The following USP24 variants were observed in gnomAD, a reference collection of about 807,000 sequenced individuals.
USP24 encodes ubiquitin specific peptidase 24.
A neutral mutation model predicts 361.6 loss-of-function variants in USP24; 97 were observed. The ratio of observed to expected loss-of-function variants is 0.27; its 90% CI spans 0.23 to 0.32. The LOEUF (loss-of-function observed/expected upper bound fraction) is 0.32. Ranked by LOEUF, USP24 falls within the 10% of genes least tolerant of loss-of-function variation. The pLI is 1.00. For synonymous variants in USP24, 1,098 were observed against 1,124.6 expected (o/e 0.98, Z 0.47); for missense variants, 2,353 against 3,165.6 (o/e 0.74, Z 6.16).
chr1:55,182,724 A>AT (rs955195105), intron 1 of USP24, among the ~76,000 whole-genome samples: 4 of 151,626 alleles, frequency 2.6e-5, no homozygotes, highest in Non-Finnish European at 4.4e-5. Flanking sequence ...ACAGTCTTTT[A>AT]TTTTTTTTGA....
chr1:55,153,958 A>G, intron 15 of USP24, 41 bp from the exon 16 acceptor site: 2 of 1,545,314 alleles, frequency 1.3e-6, no homozygotes, highest in South Asian at 1.2e-5. Flanking sequence ...GACTTGGTAA[A>G]AGCAATACCT....
At chr1:55,156,182 T>A (rs1286658750) in intron 12 of USP24, among the ~76,000 whole-genome samples, 1 of 152,076 alleles carries the variant, frequency 6.6e-6, no homozygotes, top group Non-Finnish European at 1.5e-5. Flanking sequence ...TTGGATATAA[T>A]GAATTTAAGA....
In USP24 at chr1:55,068,955, G is replaced by C. The variant is rs1570320563; in HGVS notation, c.*90C>G. The C allele has an allele frequency of 7.2e-7, 1 of 1,384,410 alleles. No individual in the cohort carries two copies. The highest frequency in any genetic ancestry group is 1.2e-5 in the South Asian group (1 of 83,934). The allele number at this position is 1,384,410 out of a possible 1,614,324, so 85.8% of individuals were successfully genotyped here. On this transcript the variant is annotated 3_prime_UTR_variant, in exon 68 of 68. Coordinates refer to ENST00000294383, the MANE Select transcript of USP24 (RefSeq NM_015306.3). Reference sequence around the variant, plus strand: ...GCAGCTTTCCCAGTCCAATCTCCAGGCTCTTCCAAAGGGTTCGAGATTCTG... The same window carrying C: ...GCAGCTTTCCCAGTCCAATCTCCAGCCTCTTCCAAAGGGTTCGAGATTCTG...
At chr1:55,182,952 CA>C in intron 1 of USP24, among the ~76,000 whole-genome samples, 1 of 152,114 alleles carries the variant, frequency 6.6e-6, no homozygotes, top group East Asian at 1.9e-4. Context: ...CTCCTGACCG[CA>C]AGTGATCTGC....
At chr1:55,190,292 C>T (rs556880218) in intron 1 of USP24, among the ~76,000 whole-genome samples, 38 of 151,840 alleles carry the variant, frequency 2.5e-4, no homozygotes, top group African/African-American at 8.9e-4. Context: ...GCGCGTTATA[C>T]ACAGGGTTAA....
Position 55,098,667 on chromosome 1 carries a change from T to C in USP24, c.5371-109A>G, listed in dbSNP as rs1032693667. Reference sequence around the variant, plus strand: ...AGGACCAAAACAAAACGCGTCATTCTGGTAGTATCAGCTGTGGTGAATGGA... The same window carrying C: ...AGGACCAAAACAAAACGCGTCATTCCGGTAGTATCAGCTGTGGTGAATGGA... On this transcript the variant is annotated intron_variant, in intron 45 of 67. Transcript: ENST00000294383. 20 of 769,004 alleles carry C rather than the reference T, an allele frequency of 2.6e-5. No individual in the cohort carries two copies. In the Admixed American group the frequency reaches 3.9e-4, roughly 15 times the overall value. 47.6% of individuals were successfully genotyped at this position (769,004 alleles called of 1,614,324 possible). A position where few individuals can be genotyped will look rare whatever the true frequency, so the allele number is the denominator to read the frequency against.
At chr1:55,176,697 T>C (rs1171382374) in intron 2 of USP24, among the ~76,000 whole-genome samples, 1 of 152,140 alleles carries the variant, frequency 6.6e-6, no homozygotes, top group Non-Finnish European at 1.5e-5. Flanking sequence ...TAAATACCAA[T>C]TGAACTGAAA....
intron 11 of USP24, 94 bp downstream of exon 11, chr1:55,157,160 AAT>A: frequency 7.5e-7 from 1 of 1,336,104 alleles, no homozygotes; most frequent in Non-Finnish European, 1.1e-6. Context: ...TTTAAAGACT[AAT>A]ACAGTCAAAG....
At chr1:55,182,591 G>C (rs531045300) in intron 1 of USP24, among the ~76,000 whole-genome samples, 1 of 152,152 alleles carries the variant, frequency 6.6e-6, no homozygotes, top group Admixed American at 6.5e-5. Flanking sequence ...GGGAGCAAGG[G>C]GGGAGATCTT....
chr1:55,093,725 G>A, intron 52 of USP24: 1 of 499,624 alleles, frequency 2.0e-6, no homozygotes, highest in Non-Finnish European at 3.4e-6. Flanking sequence ...TGCCAATCAT[G>A]AGTGTGTATT....
At chr1:55,189,766 A>G (rs1644236784) in intron 1 of USP24, among the ~76,000 whole-genome samples, 4 of 152,230 alleles carry the variant, frequency 2.6e-5, no homozygotes, top group African/African-American at 7.2e-5. Flanking sequence ...TATAGTCACT[A>G]AAGAAAGTGG....
intron 23 of USP24, among the ~76,000 whole-genome samples, chr1:55,142,041 T>A (rs1182807450): frequency 2.6e-5 from 4 of 152,216 alleles, no homozygotes; most frequent in Non-Finnish European, 4.4e-5. Context: ...GAATTTTTTT[T>A]ATAATGACAT....
At chr1:55,154,945 C>T (rs1274966168) in intron 12 of USP24, among the ~76,000 whole-genome samples, 167 bp from the exon 13 acceptor site, 6 of 151,890 alleles carry the variant, frequency 4.0e-5, no homozygotes, top group South Asian at 2.1e-4. Context: ...ATGAAGCAAC[C>T]ATTATTAATC....
intron 26 of USP24, 52 bp downstream of exon 26, chr1:55,138,556 T>A: frequency 7.4e-7 from 1 of 1,354,848 alleles, no homozygotes; most frequent in Non-Finnish European, 1.0e-6. Context: ...GACTGCTTTA[T>A]GAAAATAATA....
At chr1:55,158,768 A>G in intron 10 of USP24, 110 bp downstream of exon 10, 1 of 955,480 alleles carries the variant, frequency 1.0e-6, no homozygotes, top group South Asian at 5.3e-5. Context: ...TTTTTATATG[A>G]TTACAATAAA....
At position 55,083,781 on chromosome 1, in the gene USP24, A is replaced by G; in HGVS notation, c.6873T>C (p.Phe2291=). ...CAQYFFLFNT[F]VQKQGIRAGD... Reference sequence around the variant, plus strand: ...GAAAAAAATTATTTACCTTTTGTACAAAAGTGTTGAACAGGAAAAAGTACT... The same window carrying G: ...GAAAAAAATTATTTACCTTTTGTACGAAAGTGTTGAACAGGAAAAAGTACT... Residue 2291 remains phenylalanine (F), a synonymous_variant, in exon 57 of 68, where the codon TTT becomes TTC. Coordinates refer to ENST00000294383, the MANE Select transcript of USP24 (RefSeq NM_015306.3). 1.3e-6 allele frequency: 2 copies of G among 1,584,766 alleles called. No individual in the cohort carries two copies. Among genetic ancestry groups the G allele is most frequent in the Non-Finnish European group, 1.7e-6 (2 of 1,165,886 alleles).
At chr1:55,133,638 C>CT (rs34336736) in intron 30 of USP24, among the ~76,000 whole-genome samples, 1,852 of 126,800 alleles carry the variant, frequency 0.015, 30 homozygotes, top group African/African-American at 0.041. Context: ...CTCTCTCTCT[C>CT]TTTTTTTTTT....
intron 57 of USP24, 94 bp from the exon 58 acceptor site, chr1:55,083,458 A>C (rs1418620460): frequency 8.5e-7 from 1 of 1,181,442 alleles, no homozygotes; most frequent in Non-Finnish European, 1.2e-6. Context: ...TAAGGAGTCA[A>C]TATATTTTTT....
At position 55,098,496 on chromosome 1, in the gene USP24, G is replaced by C; in HGVS notation, c.5433C>G (p.Ile1811Met). Residue 1811 changes from isoleucine (I) to methionine (M), a missense_variant, in exon 46 of 68, where the codon ATC becomes ATG. Physicochemically the swap from Ile to Met is conservative, Grantham distance 10 (BLOSUM62 1). Coordinates refer to ENST00000294383, the MANE Select transcript of USP24 (RefSeq NM_015306.3). ...TFQGIYSDQK[I>M]CKDCPHRYER... is the part of the protein sequence containing the mutation. ...CTCACCTGTGAGGACAGTCTTTACA[G>C]ATCTTCTGATCAGAGTAGATGCCCT... is the stretch of plus-strand genomic sequence containing the variant. 6.2e-7 allele frequency: 1 copy of C among 1,612,766 alleles called. No homozygotes were observed. The highest frequency in any genetic ancestry group is 8.5e-7 in the Non-Finnish European group (1 of 1,179,246).
Sources: allele counts gnomAD v4.1 joint callset (sites outside exome capture counted in the v4.1 genomes callset), GRCh38; gene constraint gnomAD v4.1.1; transcripts MANE v1.5; gene names NCBI Gene and HGNC (gene_info 2026-07-23, HGNC 2026-07-21).